A2ML1: variants seen among roughly 807,000 people sequenced by gnomAD.
A2ML1 encodes the protein alpha-2-macroglobulin like 1.
A2ML1 carries 161 observed loss-of-function variants against 181.9 expected under a neutral mutation model. That is an observed-to-expected ratio of 0.89 (90% CI 0.78 to 1.01). The LOEUF (loss-of-function observed/expected upper bound fraction) is 1.01, where lower values mean the gene tolerates loss of function less well. A2ML1 is among the 50% of genes least tolerant of loss of function. A2ML1 has a pLI of 0.00. For missense variants in A2ML1, 1,670 were observed against 1,768.1 expected, an observed-to-expected ratio of 0.94 and a Z score of 1.00; for synonymous variants, 663 against 666.8, an observed-to-expected ratio of 0.99 and a Z score of 0.09.
At chr12:8,869,371 C>T (rs1694263726) in intron 33 of A2ML1, among the ~76,000 whole-genome samples, 168 bp downstream of exon 33, 1 of 152,108 alleles carries the variant, frequency 6.6e-6, no homozygotes, top group Admixed American at 6.6e-5. Context: ...TAAAACACCC[C>T]ATTGTGCCTC....
At chr12:8,836,407 A>G (rs1032236933) in intron 7 of A2ML1, 68 bp downstream of exon 7, 3 of 1,373,520 alleles carry the variant, frequency 2.2e-6, no homozygotes, top group Non-Finnish European at 3.1e-6. Flanking sequence ...AGGGGATGAC[A>G]TGGGATGTGG....
In A2ML1 at chr12:8,874,981, A is replaced by C; in HGVS notation, c.4335A>C (p.Ala1445=). Residue 1445 remains alanine (A), a synonymous_variant, in exon 35 of 36, where the codon GCA becomes GCC. Transcript: ENST00000299698. ...VYDYYLPDEQ[A]TIQYSDPCE ...TATTTCATTTCACAGATGAACAGGC[A>C]ACAATTCAGTATTCTGATCCCTGTG... 11 of 1,614,178 alleles carry C rather than the reference A, an allele frequency of 6.8e-6. No homozygotes were observed. Among genetic ancestry groups the C allele is most frequent in the Non-Finnish European group, 9.3e-6 (11 of 1,180,008 alleles).
chr12:8,829,380 A>G (rs1943036742), intron 3 of A2ML1, among the ~76,000 whole-genome samples: 1 of 152,140 alleles, frequency 6.6e-6, no homozygotes, highest in Non-Finnish European at 1.5e-5. Flanking sequence ...TCTGAGCAGG[A>G]GGCGGAGCGC....
chr12:8,828,505 T>G (rs1016725250), intron 3 of A2ML1, among the ~76,000 whole-genome samples: 2 of 151,880 alleles, frequency 1.3e-5, no homozygotes, highest in African/African-American at 4.8e-5. Context: ...GGCAGTGAGC[T>G]CTCCTCTGAC....
At chr12:8,885,413 A>G (rs1448157575) in intron 7 of A2ML1, among the ~76,000 whole-genome samples, 2 of 152,124 alleles carry the variant, frequency 1.3e-5, no homozygotes, top group African/African-American at 4.8e-5. Flanking sequence ...GGGTCAAAAA[A>G]TGCTTTCCTT....
intron 29 of A2ML1, among the ~76,000 whole-genome samples, 175 bp from the exon 30 acceptor site, chr12:8,867,667 T>C (rs1383092085): frequency 6.7e-6 from 1 of 149,662 alleles, no homozygotes; most frequent in East Asian, 1.9e-4. Flanking sequence ...AAAAGCAAGC[T>C]ACTGTGATTT....
chr12:8,881,665 C>T (rs185142904), downstream of A2ML1, among the ~76,000 whole-genome samples: 2 of 152,258 alleles, frequency 1.3e-5, no homozygotes, highest in East Asian at 3.9e-4. Flanking sequence ...ATGGTGCCAT[C>T]CATGCAGGTA....
chr12:8,863,977 A>G lies in A2ML1; in HGVS notation c.3686A>G (p.His1229Arg), dbSNP rs10219561. The G allele has an allele frequency of 0.99, 1,603,571 of 1,612,776 alleles. 797,653 individuals are homozygous for G. Among genetic ancestry groups the G allele is most frequent in the South Asian group, 1 (90,959 of 90,968 alleles). ...ATAGTGGCTTGGTTGGCCAAGCAAC[A>G]CAATGCATATGGGGGCTTCTCTTCT... ...TSIVAWLAKQHNAYGGFSSTQ... is the reference protein window; with the variant it reads ...TSIVAWLAKQRNAYGGFSSTQ... Residue 1229 changes from histidine to arginine, a missense_variant, in exon 29 of 36, where the codon CAC becomes CGC. By Grantham distance (29) the His-to-Arg change is conservative (BLOSUM62 0). Transcript: ENST00000299698.
rs1302489609 is a variant in A2ML1, at chr12:8,842,412, G to A, written c.1249-722G>A. Reference sequence around the variant, plus strand: ...TTTTTGTATTTTTTAGTAGAGATGGGGTTTCACTGTGTTAGCCAGGATGGT... The same window carrying A: ...TTTTTGTATTTTTTAGTAGAGATGGAGTTTCACTGTGTTAGCCAGGATGGT... On this transcript the variant is annotated intron_variant, in intron 11 of 35. Transcript: ENST00000299698. 3.9e-5 allele frequency among the ~76,000 whole-genome samples: 6 copies of A among 151,932 alleles called. No homozygotes were observed. The East Asian group carries it at 1.2e-3, about 29-fold the overall frequency.
chr12:8,824,033 G>T, intron 3 of A2ML1, 151 bp downstream of exon 3: 1 of 840,438 alleles, frequency 1.2e-6, no homozygotes, highest in Non-Finnish European at 1.7e-6. Context: ...TGCAAGTGTT[G>T]AATACATGCT....
chr12:8,861,633 G>T (rs998866852), intron 28 of A2ML1, among the ~76,000 whole-genome samples: 1 of 151,754 alleles, frequency 6.6e-6, no homozygotes, highest in Admixed American at 6.6e-5. Flanking sequence ...GACTACAGGC[G>T]CCCACCACCA....
rs763980658 is a variant in A2ML1 at position 8,867,822 on chromosome 12, C to T, written c.3718-20C>T. Reference sequence around the variant, plus strand: ...AATGGCTCACAAAATGGTAAGTATACGTTTGGTTGTTTCCCTCAGGATACT... The same window carrying T: ...AATGGCTCACAAAATGGTAAGTATATGTTTGGTTGTTTCCCTCAGGATACT... On this transcript the variant is annotated intron_variant, in intron 29 of 35. Coordinates refer to ENST00000299698, the MANE Select transcript of A2ML1 (RefSeq NM_144670.6). 27 of 1,603,866 alleles carry T rather than the reference C, an allele frequency of 1.7e-5. No individual in the cohort carries two copies. Among genetic ancestry groups the T allele is most frequent in the Non-Finnish European group, 2.0e-5 (24 of 1,170,948 alleles).
At chr12:8,829,878 C>CTGA in intron 4 of A2ML1, 99 bp downstream of exon 4, 2 of 1,483,016 alleles carry the variant, frequency 1.3e-6, no homozygotes, top group Non-Finnish European at 1.9e-6. Flanking sequence ...CGTGGCAAGG[C>CTGA]GAGGCCCTCT....
intron 7 of A2ML1, among the ~76,000 whole-genome samples, chr12:8,883,090 T>G (rs1944885366): frequency 6.6e-6 from 1 of 152,078 alleles, no homozygotes; most frequent in Non-Finnish European, 1.5e-5. Flanking sequence ...CCACTGGTCC[T>G]TCAAGGAATG....
chr12:8,832,928 A>C (rs1943162367), intron 4 of A2ML1, among the ~76,000 whole-genome samples: 1 of 150,778 alleles, frequency 6.6e-6, no homozygotes, highest in Non-Finnish European at 1.5e-5. Context: ...TGATTGCTAT[A>C]CTCAGTTATT....
chr12:8,832,782 G>A (rs1367168259), intron 4 of A2ML1, among the ~76,000 whole-genome samples: 2 of 152,144 alleles, frequency 1.3e-5, no homozygotes, highest in Non-Finnish European at 2.9e-5. Flanking sequence ...GCAAGATAGC[G>A]TTGGTTAGGT....
At chr12:8,834,149 CTTGAGGAAAG>C (rs1364341932) in intron 4 of A2ML1, among the ~76,000 whole-genome samples, 1 of 152,084 alleles carries the variant, frequency 6.6e-6, no homozygotes, top group Admixed American at 6.6e-5. Flanking sequence ...CAACTACTGT[CTTGAGGAAAG>C]TGATACATGA....
In A2ML1 at chr12:8,867,960, A is replaced by G. The variant is rs1159315358; in HGVS notation, c.3836A>G (p.Gln1279Arg). The G allele has an allele frequency of 2.7e-5, 43 of 1,614,116 alleles. No individual in the cohort carries two copies. The Admixed American group carries it at 7.2e-4, about 27-fold the overall frequency. Reference sequence around the variant, plus strand: ...AATTTCCAGCGCACATTCAACATACAGTCAGTTAACAGATTGGTATTTCAG... The same window carrying G: ...AATTTCCAGCGCACATTCAACATACGGTCAGTTAACAGATTGGTATTTCAG... ...TENFQRTFNI[Q>R]SVNRLVFQQD... The change falls in exon 30 of 36, where the codon CAG becomes CGG. Residue 1279 changes from glutamine (Q) to arginine (R), a missense_variant. Physicochemically the swap from Gln to Arg is conservative, Grantham distance 43. Coordinates refer to ENST00000299698, the MANE Select transcript of A2ML1 (RefSeq NM_144670.6).
At chr12:8,823,976 GA>G (rs746024719) in intron 3 of A2ML1, 94 bp downstream of exon 3, 81 of 1,432,852 alleles carry the variant, frequency 5.7e-5, no homozygotes, top group South Asian at 9.3e-5. Flanking sequence ...GTAGGCTTTG[GA>G]AAAAAAGGAG....
Sources: allele counts gnomAD v4.1 joint callset (sites outside exome capture counted in the v4.1 genomes callset), GRCh38; gene constraint gnomAD v4.1.1; transcripts MANE v1.5; gene names NCBI Gene and HGNC (gene_info 2026-07-23, HGNC 2026-07-21).